Variants in TCP11L2 observed in about 807,000 individuals in gnomAD.
The protein encoded by TCP11L2 is T-complex protein 11-like protein 2.
In TCP11L2, 39 loss-of-function variants were observed where a neutral mutation model predicts 50.7. The ratio of observed to expected loss-of-function variants is 0.77; its 90% CI spans 0.60 to 1.01. The LOEUF is 1.01. Among genes scored for constraint, TCP11L2 ranks in the 50% least tolerant of loss-of-function variants. The pLI is 0.00. For missense variants in TCP11L2, 612 were observed against 614.7 expected (o/e 1.00, Z 0.05); for synonymous variants, 192 against 219.3 (o/e 0.88, Z 1.10).
intron 2 of TCP11L2, among the ~76,000 whole-genome samples, chr12:106,313,304 GC>G (rs1376689141): frequency 6.6e-6 from 1 of 152,080 alleles, no homozygotes; most frequent in African/African-American, 2.4e-5. Flanking sequence ...ACAGTTTTTG[GC>G]TGGGTGCGGT....
At chr12:106,318,073 G>A (rs1438179152) in intron 3 of TCP11L2, among the ~76,000 whole-genome samples, 2 of 152,254 alleles carry the variant, frequency 1.3e-5, no homozygotes, top group East Asian at 3.9e-4. Context: ...AATCTCTTTA[G>A]GACAGAATTT....
At chr12:106,328,710 C>T (rs2035640968) in intron 6 of TCP11L2, among the ~76,000 whole-genome samples, 1 of 152,206 alleles carries the variant, frequency 6.6e-6, no homozygotes, top group Non-Finnish European at 1.5e-5. Flanking sequence ...GAAACCAACT[C>T]TAGCTGACTT....
chr12:106,331,099 A>G (rs1592966832), intron 6 of TCP11L2, among the ~76,000 whole-genome samples: 1 of 152,238 alleles, frequency 6.6e-6, no homozygotes, highest in Middle Eastern at 3.4e-3. Context: ...TAAGTATGAG[A>G]CTCAAGTTCA....
At chr12:106,322,791 T>G (rs1379007356) in intron 5 of TCP11L2, among the ~76,000 whole-genome samples, 1 of 152,206 alleles carries the variant, frequency 6.6e-6, no homozygotes, top group African/African-American at 2.4e-5. Flanking sequence ...CTCTGTCAAA[T>G]GGGTGTTAAG....
chr12:106,330,766 C>G (rs1046349689), intron 6 of TCP11L2, among the ~76,000 whole-genome samples: 1 of 152,100 alleles, frequency 6.6e-6, no homozygotes, highest in Non-Finnish European at 1.5e-5. Flanking sequence ...TGCCTTCTTT[C>G]CATTGTCTAG....
At chr12:106,304,819 A>G (rs1192365440) in intron 1 of TCP11L2, among the ~76,000 whole-genome samples, 1 of 152,216 alleles carries the variant, frequency 6.6e-6, no homozygotes, top group African/African-American at 2.4e-5. Context: ...CGTGGGGTCT[A>G]ACTAGGGATT....
Position 106,314,479 on chromosome 12 carries a change from T to C in TCP11L2, c.279T>C (p.Ala93=), listed in dbSNP as rs149032665. The change falls in exon 3 of 10, where the codon GCT becomes GCC. Residue 93 remains alanine, a synonymous_variant. Coordinates refer to ENST00000299045, the MANE Select transcript of TCP11L2 (RefSeq NM_152772.3). ...AGAACTTTCAATTGAAACAAGAGGC[T>C]CTCCCAGAAAAGAGGTAACCTGGGG... is the stretch of plus-strand genomic sequence containing the variant. ...VNENFQLKQE[A]LPEKSLAGRV... 55 of 1,611,902 alleles carry C rather than the reference T, an allele frequency of 3.4e-5. No homozygotes were observed. The African/African-American group carries it at 5.8e-4, about 17-fold the overall frequency.
rs180808247 is a variant in TCP11L2 at position 106,335,388 on chromosome 12, G to A, written c.773-251G>A. Among the ~76,000 whole-genome samples the A allele has an allele frequency of 1.0e-3, 157 of 152,194 alleles. 4 individuals carry two copies. In the East Asian group the frequency reaches 0.017, roughly 16 times the overall value. ...TGTGCCATATGCTGTCTTTTCCAGA[G>A]CACTTACAGAGCTCTTCCTCTTAGA... On this transcript the variant is annotated intron_variant, in intron 6 of 9. Coordinates refer to ENST00000299045, the MANE Select transcript of TCP11L2 (RefSeq NM_152772.3).
chr12:106,344,872 G>C (rs908298759), intron 9 of TCP11L2, among the ~76,000 whole-genome samples: 1 of 152,170 alleles, frequency 6.6e-6, no homozygotes, highest in African/African-American at 2.4e-5. Flanking sequence ...TCGTCTCAAA[G>C]TCAAATACAT....
intron 1 of TCP11L2, among the ~76,000 whole-genome samples, chr12:106,310,429 G>A (rs776115225): frequency 6.6e-6 from 1 of 152,156 alleles, no homozygotes; most frequent in Non-Finnish European, 1.5e-5. Context: ...GGTTTCATGC[G>A]GTCTTCCCCT....
Position 106,319,102 on chromosome 12 carries a change from G to A in TCP11L2, c.414+638G>A, listed in dbSNP as rs369225375. Among the ~76,000 whole-genome samples, 12 of 151,978 alleles carry A rather than the reference G, an allele frequency of 7.9e-5. 1 individual carries two copies. The East Asian group carries it at 9.7e-4, about 12-fold the overall frequency. Reference sequence around the variant, plus strand: ...AATTTTTTGTATTTTTAGTAGAGACGGGGTTTCACCTTGTTAGCCAGGATG... The same window carrying A: ...AATTTTTTGTATTTTTAGTAGAGACAGGGTTTCACCTTGTTAGCCAGGATG... On this transcript the variant is annotated intron_variant, in intron 4 of 9. Coordinates refer to ENST00000299045, the MANE Select transcript of TCP11L2 (RefSeq NM_152772.3).
At chr12:106,344,405 C>A (rs1258699190) in intron 9 of TCP11L2, among the ~76,000 whole-genome samples, 1 of 152,162 alleles carries the variant, frequency 6.6e-6, no homozygotes, top group Non-Finnish European at 1.5e-5. Context: ...GAGAGAGACA[C>A]CTTCTCAACT....
chr12:106,303,811 G>A (rs2034519272), intron 1 of TCP11L2: 1 of 152,210 alleles, frequency 6.6e-6, no homozygotes, highest in Non-Finnish European at 1.5e-5. Context: ...TAGAGACGCG[G>A]TTACTAAATT....
chr12:106,313,345 C>G (rs1046529451), intron 2 of TCP11L2, among the ~76,000 whole-genome samples: 1 of 152,100 alleles, frequency 6.6e-6, no homozygotes, highest in Non-Finnish European at 1.5e-5. Context: ...AGCACTTTGG[C>G]CAAGGCAGGC....
At position 106,346,282 on chromosome 12, in the gene TCP11L2, TCAG is replaced by T; in HGVS notation, c.1316-3_1316-1del. 6.3e-7 allele frequency: 1 copy of T among 1,594,972 alleles called. No homozygotes were observed. The highest frequency in any genetic ancestry group is 1.4e-5 in the African/African-American group (1 of 73,882). On this transcript the variant is annotated splice_acceptor_variant and splice_polypyrimidine_tract_variant and intron_variant, in intron 9 of 9. Coordinates refer to ENST00000299045, the MANE Select transcript of TCP11L2 (RefSeq NM_152772.3). LOFTEE classifies it high-confidence loss of function. ...AGATAAAAGTATCTTTTTTTCCCCTTCAGATAAACGAATTAAGCTTTACATGAG... is the reference window on the plus strand; with the variant it reads ...AGATAAAAGTATCTTTTTTTCCCCTTATAAACGAATTAAGCTTTACATGAG...
chr12:106,336,970 T>C (rs117879644), intron 8 of TCP11L2, among the ~76,000 whole-genome samples: 6 of 152,318 alleles, frequency 3.9e-5, no homozygotes, highest in Non-Finnish European at 5.9e-5. Flanking sequence ...CCAGTGAAGA[T>C]TTTGGTTTTT....
chr12:106,316,085 G>A (rs915923650), intron 3 of TCP11L2, among the ~76,000 whole-genome samples: 1 of 137,264 alleles, frequency 7.3e-6, no homozygotes, highest in African/African-American at 2.9e-5. Flanking sequence ...TGTATCGTGG[G>A]TGTATCTGTT....
chr12:106,300,390 C>T (rs1222639564), upstream of TCP11L2, among the ~76,000 whole-genome samples: 3 of 152,174 alleles, frequency 2.0e-5, no homozygotes, highest in Admixed American at 6.5e-5. Context: ...AGTAAAGTGG[C>T]GTGATCTCGG....
chr12:106,313,248 A>G (rs1017280860), intron 2 of TCP11L2, among the ~76,000 whole-genome samples: 2 of 152,174 alleles, frequency 1.3e-5, no homozygotes, highest in Non-Finnish European at 2.9e-5. Flanking sequence ...CAAAACTCAG[A>G]GTGAACCTAA....
Sources: gnomAD v4.1 joint callset for allele counts (sites outside exome capture counted in the v4.1 genomes callset) on GRCh38, gnomAD v4.1.1 for gene constraint, MANE v1.5 for transcripts, NCBI Gene and HGNC (gene_info 2026-07-23, HGNC 2026-07-21) for gene names.